Variants in MED12L observed in about 807,000 individuals in gnomAD.
MED12L encodes the protein mediator of RNA polymerase II transcription subunit 12-like protein.
Under a neutral mutation model 281.3 loss-of-function variants are expected in MED12L, and 60 were observed. That is an observed-to-expected ratio of 0.21 (90% confidence interval 0.17 to 0.26). MED12L has a LOEUF of 0.26. Among genes scored for constraint, MED12L ranks in the 10% least tolerant of loss-of-function variants. The pLI is 1.00. For missense variants in MED12L, 2,146 were observed against 2,680.9 expected (o/e 0.80, Z 4.41); for synonymous variants, 974 against 987.2 (o/e 0.99, Z 0.25).
intron 5 of MED12L, among the ~76,000 whole-genome samples, chr3:151,153,895 C>A (rs1238281929): frequency 6.6e-6 from 1 of 152,018 alleles, no homozygotes; most frequent in Admixed American, 6.6e-5. Flanking sequence ...TCACCTGAAA[C>A]TGGGGCCTCA....
Position 151,380,110 on chromosome 3 carries a change from TA to T in MED12L, c.4479-2del. 1 of 1,553,608 alleles carries T rather than the reference TA, an allele frequency of 6.4e-7. No individual in the cohort carries two copies. Among genetic ancestry groups the T allele is most frequent in the Admixed American group, 2.0e-5 (1 of 50,754 alleles). Reference sequence around the variant, plus strand: ...TCTGTTGTTATTATTACTTCCTTTGTAGTATGTCTCTTTTGAGTCAACAACC... The same window carrying T: ...TCTGTTGTTATTATTACTTCCTTTGTGTATGTCTCTTTTGAGTCAACAACC... On this transcript the variant is annotated splice_acceptor_variant, in intron 31 of 44. Transcript: ENST00000687756. LOFTEE classifies it high-confidence loss of function.
At chr3:151,296,104 A>G (rs1745052680) in intron 16 of MED12L, among the ~76,000 whole-genome samples, 1 of 152,188 alleles carries the variant, frequency 6.6e-6, no homozygotes. Flanking sequence ...TTTACAGTTT[A>G]TTACCAAAGA....
chr3:151,308,336 A>G (rs149632105), intron 16 of MED12L, among the ~76,000 whole-genome samples: 146 of 152,188 alleles, frequency 9.6e-4, no homozygotes, highest in Non-Finnish European at 1.7e-3. Context: ...TTTTACTCAA[A>G]TTTTACAACT....
intron 16 of MED12L, chr3:151,294,136 T>C (rs866395613): frequency 9.7e-6 from 12 of 1,239,612 alleles, no homozygotes; most frequent in South Asian, 2.7e-5. Flanking sequence ...ATTTACACTT[T>C]GTACATATCG....
chr3:151,108,658 T>C (rs886943148), intron 2 of MED12L, among the ~76,000 whole-genome samples: 2 of 152,196 alleles, frequency 1.3e-5, no homozygotes, highest in African/African-American at 4.8e-5. Flanking sequence ...TCATCCCTGG[T>C]GGACATTTCT....
intron 39 of MED12L, among the ~76,000 whole-genome samples, chr3:151,396,343 TAGGGCC>T (rs1714965048): frequency 2.6e-5 from 4 of 152,158 alleles, no homozygotes; most frequent in Admixed American, 1.3e-4. Context: ...TAATAACGCC[TAGGGCC>T]AGGCGTGGTG....
intron 2 of MED12L, among the ~76,000 whole-genome samples, chr3:151,097,360 A>G (rs1303516266): frequency 6.6e-6 from 1 of 152,236 alleles, no homozygotes; most frequent in Non-Finnish European, 1.5e-5. Flanking sequence ...AAATCTTACT[A>G]TAACATATGC....
intron 16 of MED12L, among the ~76,000 whole-genome samples, chr3:151,297,614 A>G (rs988106381): frequency 3.3e-5 from 5 of 152,210 alleles, no homozygotes; most frequent in Non-Finnish European, 5.9e-5. Context: ...TTGGCAGGGA[A>G]TATTTCAACT....
chr3:151,363,437 G>A (rs1040248824), intron 21 of MED12L, among the ~76,000 whole-genome samples: 8 of 152,154 alleles, frequency 5.3e-5, no homozygotes, highest in African/African-American at 1.9e-4. Flanking sequence ...TGTGAGAGGA[G>A]TATTTGGGGG....
chr3:151,212,356 G>A (rs1434728774), intron 16 of MED12L: 1 of 152,094 alleles, frequency 6.6e-6, no homozygotes, highest in Admixed American at 6.5e-5. Context: ...TTCATTTTAT[G>A]TGTTATTTTG....
intron 16 of MED12L, among the ~76,000 whole-genome samples, chr3:151,206,944 A>G (rs926855457): frequency 2.6e-5 from 4 of 151,960 alleles, no homozygotes; most frequent in East Asian, 3.9e-4. Flanking sequence ...GTGCCCGGCC[A>G]TGACTAACAC....
chr3:151,237,350 C>CTTT (rs57239604), intron 16 of MED12L, among the ~76,000 whole-genome samples: 27,114 of 94,388 alleles, frequency 0.29, 4,538 homozygotes, highest in East Asian at 0.46. Flanking sequence ...TTTTTTTTTT[C>CTTT]TTTTTTTTTT....
intron 2 of MED12L, among the ~76,000 whole-genome samples, chr3:151,101,649 G>A (rs113615511): frequency 0.013 from 1,955 of 147,488 alleles, 52 homozygotes; most frequent in African/African-American, 0.046. Flanking sequence ...GAGGAGGGGG[G>A]CAGTTTTTCT....
chr3:151,415,974 A>G (rs1162829156), intron 42 of MED12L, among the ~76,000 whole-genome samples: 1 of 152,258 alleles, frequency 6.6e-6, no homozygotes, highest in Non-Finnish European at 1.5e-5. Flanking sequence ...GTAAGAAGGG[A>G]TAAAACATGC....
In MED12L at chr3:151,261,924, A is replaced by C. The variant is rs541331020; in HGVS notation, c.2250+68258A>C. Among the ~76,000 whole-genome samples, 11 of 152,124 alleles carry C rather than the reference A, an allele frequency of 7.2e-5. No individual in the cohort carries two copies. The South Asian group carries it at 2.3e-3, about 32-fold the overall frequency. On this transcript the variant is annotated intron_variant, in intron 16 of 44. Transcript: ENST00000687756. ...GTATTTTTAGTAGAGACGGGGTTTC[A>C]CCACGTTGGCCAGGCTGGTCTTGAA... is the stretch of plus-strand genomic sequence containing the variant.
At chr3:151,112,404 C>T (rs1712056746) in intron 2 of MED12L, among the ~76,000 whole-genome samples, 1 of 151,822 alleles carries the variant, frequency 6.6e-6, no homozygotes, top group East Asian at 1.9e-4. Flanking sequence ...CTTCTAGGGC[C>T]CTGCTTCTTC....
At chr3:151,255,099 G>T (rs1345176073) in intron 16 of MED12L, among the ~76,000 whole-genome samples, 1 of 152,122 alleles carries the variant, frequency 6.6e-6, no homozygotes, top group Admixed American at 6.6e-5. Context: ...GCGCTTAAAA[G>T]ATAGGAACTT....
chr3:151,344,274 A>C (rs1002972389), intron 16 of MED12L, among the ~76,000 whole-genome samples: 4 of 148,644 alleles, frequency 2.7e-5, no homozygotes, highest in Admixed American at 6.9e-5. Context: ...TGATTTACAG[A>C]AAATATACTC....
intron 16 of MED12L, chr3:151,338,223 C>G: frequency 6.2e-7 from 1 of 1,614,008 alleles, no homozygotes; most frequent in Non-Finnish European, 8.5e-7. Flanking sequence ...GAGTGTATAA[C>G]ATACAATAAC....
Sources: allele counts gnomAD v4.1 joint callset (sites outside exome capture counted in the v4.1 genomes callset), GRCh38; gene constraint gnomAD v4.1.1; transcripts MANE v1.5; gene names NCBI Gene and HGNC (gene_info 2026-07-23, HGNC 2026-07-21).